The following ARHGEF37 variants were observed in gnomAD, a reference collection of about 807,000 sequenced individuals.
ARHGEF37 encodes Rho guanine nucleotide exchange factor 37.
A neutral mutation model predicts 71.1 loss-of-function variants in ARHGEF37; 55 were observed. The observed-to-expected ratio is 0.77, with a 90% confidence interval of 0.62 to 0.97. The LOEUF is 0.97. Ranked by LOEUF, ARHGEF37 falls within the 50% of genes least tolerant of loss-of-function variation. The probability of loss-of-function intolerance (pLI) is 0.00; values close to 1 mark genes in which losing one functional copy is unlikely to be tolerated. For missense variants in ARHGEF37, 765 were observed against 836.8 expected (o/e 0.91, Z 1.06); for synonymous variants, 327 against 350.6 (o/e 0.93, Z 0.75).
At chr5:149,568,640 G>A (rs747473958) in intron 1 of ARHGEF37, among the ~76,000 whole-genome samples, 2 of 151,674 alleles carry the variant, frequency 1.3e-5, no homozygotes, top group African/African-American at 4.8e-5. Flanking sequence ...TGAAACCCCC[G>A]TCTCTACCAA....
At chr5:149,577,947 G>T (rs1763044504), upstream of ARHGEF37, among the ~76,000 whole-genome samples, 2 of 152,234 alleles carry the variant, frequency 1.3e-5, no homozygotes, top group Non-Finnish European at 2.9e-5. Context: ...AATTTCAGTG[G>T]TGGTGACATT....
At chr5:149,616,918 A>T in intron 5 of ARHGEF37, 152 bp downstream of exon 5, 1 of 771,014 alleles carries the variant, frequency 1.3e-6, no homozygotes, top group Non-Finnish European at 2.0e-6. Flanking sequence ...GGGTTCGATC[A>T]GGGTGCTGGC....
chr5:149,632,490 T>G lies in ARHGEF37; in HGVS notation c.*299T>G. The G allele has an allele frequency of 2.6e-6, 1 of 388,880 alleles. No individual in the cohort carries two copies. 24.1% of individuals were successfully genotyped at this position (388,880 alleles called of 1,614,324 possible). ...ACAGCTGATTGGCCAGGACTCTCCA[T>G]AGGTTATGGCCAGTCTTAGCTGTGC... On this transcript the variant is annotated 3_prime_UTR_variant, in exon 13 of 13. Transcript: ENST00000333677.
intron 1 of ARHGEF37, among the ~76,000 whole-genome samples, chr5:149,564,289 A>T (rs1240592244): frequency 1.3e-5 from 2 of 152,124 alleles, no homozygotes; most frequent in African/African-American, 4.8e-5. Flanking sequence ...TCATAAAAAA[A>T]TTTCATTGGG....
chr5:149,563,815 G>A (rs1009256116), intron 1 of ARHGEF37, among the ~76,000 whole-genome samples: 1 of 152,022 alleles, frequency 6.6e-6, no homozygotes, highest in Non-Finnish European at 1.5e-5. Context: ...ATGTGTCATA[G>A]GAAACAGATA....
intron 1 of ARHGEF37, among the ~76,000 whole-genome samples, chr5:149,597,109 G>A (rs908594455): frequency 6.6e-6 from 1 of 152,204 alleles, no homozygotes; most frequent in Middle Eastern, 3.4e-3. Flanking sequence ...GGGATGGGGT[G>A]TAGGGGGACC....
chr5:149,598,299 T>C (rs1327779327), intron 2 of ARHGEF37, among the ~76,000 whole-genome samples: 1 of 149,702 alleles, frequency 6.7e-6, no homozygotes, highest in Non-Finnish European at 1.5e-5. Context: ...CTTCTTCTTC[T>C]TCTTCTTCTT....
chr5:149,573,005 C>T (rs1762986504), intron 1 of ARHGEF37, among the ~76,000 whole-genome samples: 1 of 152,148 alleles, frequency 6.6e-6, no homozygotes, highest in Non-Finnish European at 1.5e-5. Context: ...GCAAGGACTT[C>T]TGCGCTGGGT....
chr5:149,598,422 C>T (rs976722947), intron 2 of ARHGEF37, among the ~76,000 whole-genome samples: 3 of 146,608 alleles, frequency 2.0e-5, no homozygotes, highest in Admixed American at 1.4e-4. Flanking sequence ...TCTCCTTCTT[C>T]TCCTTCTCCT....
chr5:149,628,406 A>T (rs574617048), intron 11 of ARHGEF37, among the ~76,000 whole-genome samples: 1 of 152,364 alleles, frequency 6.6e-6, no homozygotes, highest in South Asian at 2.1e-4. Flanking sequence ...AACTGGGCTC[A>T]CATGGAGAGG....
rs548173550 is a variant in ARHGEF37, at chr5:149,627,323, A to G, written c.1660+52A>G. On this transcript the variant is annotated intron_variant, in intron 11 of 12. Transcript: ENST00000333677. ...TCTCCTTCGGGGAAAACCACCCCACAGAAGCCGGTGCAGAGACCCGGGCAC... is the reference window on the plus strand; with the variant it reads ...TCTCCTTCGGGGAAAACCACCCCACGGAAGCCGGTGCAGAGACCCGGGCAC... 1.6e-5 allele frequency: 25 copies of G among 1,571,110 alleles called. 1 individual carries two copies. The African/African-American group carries it at 3.1e-4, about 19-fold the overall frequency.
chr5:149,602,141 C>T (rs994823660), intron 3 of ARHGEF37, among the ~76,000 whole-genome samples: 1 of 151,804 alleles, frequency 6.6e-6, no homozygotes, highest in African/African-American at 2.4e-5. Context: ...ACTGCAACCT[C>T]CGCCTCCTGG....
chr5:149,618,330 A>T, intron 6 of ARHGEF37, 24 bp downstream of exon 6: 1 of 1,613,782 alleles, frequency 6.2e-7, no homozygotes, highest in Non-Finnish European at 8.5e-7. Context: ...TGGGAGGAAG[A>T]GTCACATCCA....
chr5:149,592,038 G>A (rs530577794), intron 1 of ARHGEF37, among the ~76,000 whole-genome samples: 20 of 152,130 alleles, frequency 1.3e-4, no homozygotes, highest in Non-Finnish European at 2.5e-4. Context: ...ATCAAGGTGA[G>A]GTTGCAACAA....
chr5:149,599,707 T>C (rs1229784181), intron 2 of ARHGEF37, among the ~76,000 whole-genome samples: 3 of 152,190 alleles, frequency 2.0e-5, no homozygotes, highest in Non-Finnish European at 2.9e-5. Flanking sequence ...TCAGAAATAA[T>C]GCAGGCTCTT....
At chr5:149,625,904 G>T (rs1189711437) in intron 10 of ARHGEF37, among the ~76,000 whole-genome samples, 1 of 152,178 alleles carries the variant, frequency 6.6e-6, no homozygotes, top group African/African-American at 2.4e-5. Flanking sequence ...GCCCTCCCAG[G>T]GGTGACGCTG....
chr5:149,630,684 G>A (rs898988748), intron 12 of ARHGEF37, among the ~76,000 whole-genome samples: 6 of 152,234 alleles, frequency 3.9e-5, no homozygotes, highest in Non-Finnish European at 7.4e-5. Flanking sequence ...GGTTACCCCC[G>A]CCGCCCAGCT....
chr5:149,591,550 C>T (rs1203063156), intron 1 of ARHGEF37, among the ~76,000 whole-genome samples: 2 of 152,166 alleles, frequency 1.3e-5, no homozygotes, highest in Non-Finnish European at 2.9e-5. Flanking sequence ...TGCCTGGCTT[C>T]TCCCAGGCTT....
intron 1 of ARHGEF37, among the ~76,000 whole-genome samples, chr5:149,591,226 CA>C (rs113486514): frequency 0.26 from 37,287 of 143,016 alleles, 6,288 homozygotes; most frequent in African/African-American, 0.5. Flanking sequence ...TGTTCCATCT[CA>C]AAAAAAAAAA....
Sources: gnomAD v4.1 joint callset for allele counts (sites outside exome capture counted in the v4.1 genomes callset) on GRCh38, gnomAD v4.1.1 for gene constraint, MANE v1.5 for transcripts, NCBI Gene and HGNC (gene_info 2026-07-23, HGNC 2026-07-21) for gene names.